PTPRN2: variants seen among roughly 807,000 people sequenced by gnomAD.
PTPRN2 encodes the protein protein tyrosine phosphatase receptor type N2.
A neutral mutation model predicts 118.8 loss-of-function variants in PTPRN2; 74 were observed. The ratio of observed to expected loss-of-function variants is 0.62; its 90% CI spans 0.52 to 0.76. The LOEUF (loss-of-function observed/expected upper bound fraction) is 0.76. PTPRN2 is among the 30% of genes least tolerant of loss of function. The pLI is 0.00. For missense variants in PTPRN2, 1,481 were observed against 1,394.4 expected (o/e 1.06, Z -0.99); for synonymous variants, 641 against 608.0 (o/e 1.05, Z -0.80).
intron 11 of PTPRN2, among the ~76,000 whole-genome samples, chr7:157,900,252 C>A (rs1453387853): frequency 6.6e-6 from 1 of 152,232 alleles, no homozygotes; most frequent in East Asian, 1.9e-4. Flanking sequence ...CTCAGCCCTG[C>A]CTTGCAGCGT....
At chr7:158,331,279 C>G (rs62480882) in intron 2 of PTPRN2, among the ~76,000 whole-genome samples, 1 of 59,944 alleles carries the variant, frequency 1.7e-5, no homozygotes, top group African/African-American at 8.4e-5. Flanking sequence ...AGCTGACACC[C>G]GCAGACGTCA....
rs528423398 is a variant in PTPRN2 at position 158,439,142 on chromosome 7, G to T, written c.163+50593C>A. ...TCCAGTCATCCCGCCTTACTGGACTGAACCAAAGTATGTCTTACACATATT... is the reference window on the plus strand; with the variant it reads ...TCCAGTCATCCCGCCTTACTGGACTTAACCAAAGTATGTCTTACACATATT... On this transcript the variant is annotated intron_variant, in intron 2 of 22. Transcript: ENST00000389418. Among the ~76,000 whole-genome samples, 11 of 152,294 alleles carry T rather than the reference G, an allele frequency of 7.2e-5. No homozygotes were observed. In the South Asian group the frequency reaches 2.3e-3, roughly 32 times the overall value.
chr7:158,276,917 C>T (rs913322471), intron 3 of PTPRN2, among the ~76,000 whole-genome samples: 2 of 152,154 alleles, frequency 1.3e-5, no homozygotes, highest in African/African-American at 4.8e-5. Context: ...CAGGTGCTGT[C>T]TATCAGCTCT....
chr7:158,027,019 G>A (rs933179490), intron 11 of PTPRN2, among the ~76,000 whole-genome samples: 39 of 152,080 alleles, frequency 2.6e-4, no homozygotes, highest in East Asian at 3.9e-4. Flanking sequence ...TGCCATTCAC[G>A]GGCACAGCAC....
intron 2 of PTPRN2, among the ~76,000 whole-genome samples, chr7:158,441,641 TG>T (rs568043205): frequency 7.0e-4 from 102 of 146,154 alleles, no homozygotes; most frequent in Middle Eastern, 3.6e-3. Context: ...GTGATGGTGA[TG>T]GCAATGGTGG....
intron 11 of PTPRN2, among the ~76,000 whole-genome samples, chr7:158,068,258 G>A (rs933377334): frequency 6.6e-6 from 1 of 152,254 alleles, no homozygotes; most frequent in Admixed American, 6.5e-5. Context: ...GCAGGTGGCT[G>A]TCTGATCAGG....
At chr7:157,873,348 C>T (rs1356824623) in intron 12 of PTPRN2, among the ~76,000 whole-genome samples, 1 of 152,264 alleles carries the variant, frequency 6.6e-6, no homozygotes, top group Non-Finnish European at 1.5e-5. Flanking sequence ...GATACGCTTC[C>T]CAGTTTGCTC....
At chr7:158,366,078 C>G (rs1288638444) in intron 2 of PTPRN2, among the ~76,000 whole-genome samples, 3 of 145,788 alleles carry the variant, frequency 2.1e-5, no homozygotes, top group African/African-American at 5.1e-5. Flanking sequence ...CGTGCACACA[C>G]ACACGCACAC....
At position 157,985,995 on chromosome 7, in the gene PTPRN2, T is replaced by C. The variant is rs145338764; in HGVS notation, c.1724-87258A>G. 3.2e-3 allele frequency among the ~76,000 whole-genome samples: 493 copies of C among 152,278 alleles called. 3 individuals carry two copies. Among genetic ancestry groups the C allele is most frequent in the African/African-American group, 0.011 (465 of 41,548 alleles). On this transcript the variant is annotated intron_variant, in intron 11 of 22. Transcript: ENST00000389418. Reference sequence around the variant, plus strand: ...CAAGATGCCACCGCATGTGAAATGCTTGGGGTTGAAATGTAACGAATCTCT... The same window carrying C: ...CAAGATGCCACCGCATGTGAAATGCCTGGGGTTGAAATGTAACGAATCTCT...
chr7:157,602,913 G>T (rs1202209778), intron 16 of PTPRN2, among the ~76,000 whole-genome samples: 2 of 152,262 alleles, frequency 1.3e-5, no homozygotes, highest in Non-Finnish European at 2.9e-5. Flanking sequence ...CTCAGCCCTA[G>T]AACAGCATTG....
chr7:158,474,704 A>T lies in PTPRN2; in HGVS notation c.163+15031T>A, dbSNP rs1820118198. On this transcript the variant is annotated intron_variant, in intron 2 of 22. Coordinates refer to ENST00000389418, the MANE Select transcript of PTPRN2 (RefSeq NM_002847.5). ...AGGGACCCTTTTCCCAAGGTCAGCT[A>T]AGAGGCGGGTGCCCATCTGAGAGGG... Among the ~76,000 whole-genome samples, 2 of 152,222 alleles carry T rather than the reference A, an allele frequency of 1.3e-5. 1 individual carries two copies. Among genetic ancestry groups the T allele is most frequent in the Non-Finnish European group, 2.9e-5 (2 of 68,006 alleles).
chr7:157,860,555 T>G (rs1810155690), intron 12 of PTPRN2, among the ~76,000 whole-genome samples: 1 of 152,276 alleles, frequency 6.6e-6, no homozygotes, highest in African/African-American at 2.4e-5. Context: ...TGAGTCCACA[T>G]ATCTAATTGA....
chr7:158,276,780 C>T (rs771404917), intron 3 of PTPRN2, among the ~76,000 whole-genome samples: 1 of 152,200 alleles, frequency 6.6e-6, no homozygotes, highest in Non-Finnish European at 1.5e-5. Context: ...GGAAGGACGT[C>T]GGCCTGGGGA....
chr7:158,036,406 T>G (rs1473262956), intron 11 of PTPRN2, among the ~76,000 whole-genome samples: 1 of 152,212 alleles, frequency 6.6e-6, no homozygotes, highest in Non-Finnish European at 1.5e-5. Context: ...AAGCAACATC[T>G]GTTTCCTCCT....
At chr7:157,894,959 C>T (rs1342416958) in intron 12 of PTPRN2, among the ~76,000 whole-genome samples, 1 of 152,110 alleles carries the variant, frequency 6.6e-6, no homozygotes, top group Non-Finnish European at 1.5e-5. Context: ...GAAACTCTCA[C>T]ATAGAAATTC....
At position 158,149,216 on chromosome 7, in the gene PTPRN2, G is replaced by A. The variant is rs552274940; in HGVS notation, c.911-10701C>T. On this transcript the variant is annotated intron_variant, in intron 6 of 22. Transcript: ENST00000389418. ...CCTCAAGTGCACGAGTGTCTGGGCTGACCTGCTCTCCAAGCTGGCACCAAT... is the reference window on the plus strand; with the variant it reads ...CCTCAAGTGCACGAGTGTCTGGGCTAACCTGCTCTCCAAGCTGGCACCAAT... 1.4e-4 allele frequency among the ~76,000 whole-genome samples: 21 copies of A among 150,868 alleles called. No individual in the cohort carries two copies. The East Asian group carries it at 1.6e-3, about 11-fold the overall frequency.
At chr7:158,375,268 C>G (rs1015431977) in intron 2 of PTPRN2, among the ~76,000 whole-genome samples, 1 of 152,260 alleles carries the variant, frequency 6.6e-6, no homozygotes, top group Non-Finnish European at 1.5e-5. Flanking sequence ...GAGGGCTTGT[C>G]ATGTGATTCA....
intron 3 of PTPRN2, among the ~76,000 whole-genome samples, chr7:158,223,466 T>C (rs1828512344): frequency 2.6e-5 from 4 of 152,142 alleles, no homozygotes; most frequent in Admixed American, 2.6e-4. Context: ...AAAATAATGA[T>C]ACATCATGAG....
chr7:158,365,991 G>T (rs948782207), intron 2 of PTPRN2, among the ~76,000 whole-genome samples: 1 of 147,488 alleles, frequency 6.8e-6, no homozygotes, highest in Non-Finnish European at 1.5e-5. Flanking sequence ...CAGCATCCCT[G>T]GGAGAAGCTG....
Sources: allele counts gnomAD v4.1 joint callset (sites outside exome capture counted in the v4.1 genomes callset), GRCh38; gene constraint gnomAD v4.1.1; transcripts MANE v1.5; gene names NCBI Gene and HGNC (gene_info 2026-07-23, HGNC 2026-07-21).